Variants in BLK observed in about 807,000 individuals in gnomAD.
BLK encodes tyrosine-protein kinase Blk.
Under a neutral mutation model 61.8 loss-of-function variants are expected in BLK, and 64 were observed. The observed-to-expected ratio is 1.03, with a 90% CI of 0.85 to 1.27. BLK has a LOEUF of 1.27. Among genes scored for constraint, BLK ranks in the 50% most tolerant of loss-of-function variants. The pLI is 0.00. For synonymous variants in BLK, 351 were observed against 272.0 expected, an observed-to-expected ratio of 1.29 and a Z score of -2.86; for missense variants, 853 against 660.5, an observed-to-expected ratio of 1.29 and a Z score of -3.19.
intron 10 of BLK, among the ~76,000 whole-genome samples, chr8:11,559,588 C>A (rs1243982161): frequency 3.3e-5 from 5 of 152,160 alleles, no homozygotes; most frequent in African/African-American, 1.2e-4. Flanking sequence ...CTGGGCTCTT[C>A]TTTTCTTACT....
chr8:11,564,393 A>T lies in BLK; in HGVS notation c.*285A>T, dbSNP rs1801632700. On this transcript the variant is annotated 3_prime_UTR_variant, in exon 13 of 13. Transcript: ENST00000259089. ...ACTAAGCCCCAGTAAGGTGTTCAGGACTGGTAAGCGACTGTCATCAAGTAA... is the reference window on the plus strand; with the variant it reads ...ACTAAGCCCCAGTAAGGTGTTCAGGTCTGGTAAGCGACTGTCATCAAGTAA... The T allele has an allele frequency of 1.5e-6, 1 of 652,346 alleles. No individual in the cohort carries two copies. Among genetic ancestry groups the T allele is most frequent in the Non-Finnish European group, 2.8e-6 (1 of 352,614 alleles). 40.4% of individuals were successfully genotyped at this position (652,346 alleles called of 1,614,324 possible). A position where few individuals can be genotyped will look rare whatever the true frequency, so the allele number is the denominator to read the frequency against.
intron 1 of BLK, among the ~76,000 whole-genome samples, chr8:11,504,893 A>AT (rs1177379113): frequency 6.6e-6 from 1 of 152,224 alleles, no homozygotes; most frequent in Non-Finnish European, 1.5e-5. Flanking sequence ...CTCTGTGGCC[A>AT]TGTTTCAGGC....
chr8:11,555,146 C>T (rs953106142), intron 7 of BLK, among the ~76,000 whole-genome samples, 186 bp from the exon 8 acceptor site: 2 of 152,164 alleles, frequency 1.3e-5, no homozygotes, highest in Non-Finnish European at 2.9e-5. Context: ...TTAGAGATAG[C>T]ATGCCCTGCT....
intron 1 of BLK, among the ~76,000 whole-genome samples, chr8:11,529,652 A>G (rs1799809040): frequency 1.3e-5 from 2 of 152,074 alleles, no homozygotes; most frequent in Non-Finnish European, 2.9e-5. Flanking sequence ...TCTAGTTCCC[A>G]GGAAAGAAGG....
At chr8:11,544,022 G>A (rs1265661694) in intron 2 of BLK, among the ~76,000 whole-genome samples, 2 of 151,450 alleles carry the variant, frequency 1.3e-5, no homozygotes, top group African/African-American at 2.4e-5. Flanking sequence ...GAGTGCAGTG[G>A]TGGGACCTTG....
intron 2 of BLK, 21 bp downstream of exon 2, chr8:11,543,368 A>C: frequency 6.2e-7 from 1 of 1,611,650 alleles, no homozygotes; most frequent in Non-Finnish European, 8.5e-7. Context: ...GCCCACCCCC[A>C]CCAAGAGCAG....
intron 1 of BLK, among the ~76,000 whole-genome samples, chr8:11,511,123 A>G (rs1237594204): frequency 1.3e-5 from 2 of 152,218 alleles, no homozygotes; most frequent in Admixed American, 6.5e-5. Context: ...TTGAGGCTGA[A>G]GGAGCCAAAG....
rs142176226 is a variant in BLK, at chr8:11,525,856, T to C, written c.-1-17368T>C. The stretch of plus-strand genomic sequence containing the variant: ...GCCTCCCTGGTTCAAGCGATTCTCC[T>C]GCCTTAGCCTCCTGAGTAGCTGGAA... On this transcript the variant is annotated intron_variant, in intron 1 of 12. Transcript: ENST00000259089. Among the ~76,000 whole-genome samples, 1,493 of 152,288 alleles carry C rather than the reference T, an allele frequency of 9.8e-3. 12 individuals carry two copies. Among genetic ancestry groups the C allele is most frequent in the Middle Eastern group, 0.044 (13 of 294 alleles).
At chr8:11,520,402 A>G (rs1257718209) in intron 1 of BLK, among the ~76,000 whole-genome samples, 3 of 144,786 alleles carry the variant, frequency 2.1e-5, no homozygotes, top group Admixed American at 7.2e-5. Context: ...ACTTGTGCCC[A>G]GAAGATTGAG....
chr8:11,503,221 A>C (rs1041078722), intron 1 of BLK, among the ~76,000 whole-genome samples: 1 of 152,302 alleles, frequency 6.6e-6, no homozygotes, highest in East Asian at 1.9e-4. Context: ...CTAAAAGGAC[A>C]TTTGATGTTC....
At chr8:11,548,992 G>C in intron 4 of BLK, 32 bp from the exon 5 acceptor site, 4 of 1,573,110 alleles carry the variant, frequency 2.5e-6, no homozygotes, top group Non-Finnish European at 3.5e-6. Context: ...CAGGGGCCAT[G>C]ATCTCATCTC....
chr8:11,563,712 C>G (rs1801595096), intron 12 of BLK, among the ~76,000 whole-genome samples, 191 bp from the exon 13 acceptor site: 2 of 152,214 alleles, frequency 1.3e-5, no homozygotes, highest in Admixed American at 1.3e-4. Context: ...ATTCCCCAGG[C>G]AATAAAAAGT....
At chr8:11,505,174 C>T (rs1032772338) in intron 1 of BLK, among the ~76,000 whole-genome samples, 2 of 152,202 alleles carry the variant, frequency 1.3e-5, no homozygotes, top group Non-Finnish European at 2.9e-5. Flanking sequence ...ATGACAAATA[C>T]TATTGCAGCA....
At chr8:11,526,382 A>G (rs1358422719) in intron 1 of BLK, among the ~76,000 whole-genome samples, 2 of 152,164 alleles carry the variant, frequency 1.3e-5, no homozygotes, top group African/African-American at 4.8e-5. Flanking sequence ...TTCACATCCT[A>G]CTTTTTTGTT....
chr8:11,512,957 G>A (rs916542715), intron 1 of BLK, among the ~76,000 whole-genome samples: 1 of 152,186 alleles, frequency 6.6e-6, no homozygotes, highest in African/African-American at 2.4e-5. Flanking sequence ...GTGAGCCACC[G>A]CGGCTGGTCA....
intron 1 of BLK, among the ~76,000 whole-genome samples, chr8:11,533,088 T>C (rs753861646): frequency 1.2e-4 from 3 of 24,592 alleles, no homozygotes; most frequent in Non-Finnish European, 2.3e-4. Context: ...TGTGCCAGCA[T>C]CATTAGTATT....
At chr8:11,515,741 T>C (rs1799198735) in intron 1 of BLK, among the ~76,000 whole-genome samples, 2 of 152,222 alleles carry the variant, frequency 1.3e-5, no homozygotes, top group South Asian at 4.1e-4. Context: ...ATGTCATATG[T>C]GCTGCGCTGC....
chr8:11,552,111 G>A (rs533724022), intron 6 of BLK, among the ~76,000 whole-genome samples: 3 of 152,322 alleles, frequency 2.0e-5, no homozygotes, highest in East Asian at 1.9e-4. Flanking sequence ...TGGTTGGGGC[G>A]ATGAGAATGG....
intron 1 of BLK, among the ~76,000 whole-genome samples, chr8:11,535,339 A>G (rs1800091388): frequency 6.6e-6 from 1 of 152,078 alleles, no homozygotes; most frequent in Admixed American, 6.5e-5. Context: ...GGAAAAGGGA[A>G]GGGAAGGAAG....
Sources: allele counts gnomAD v4.1 joint callset (sites outside exome capture counted in the v4.1 genomes callset), GRCh38; gene constraint gnomAD v4.1.1; transcripts MANE v1.5; gene names NCBI Gene and HGNC (gene_info 2026-07-23, HGNC 2026-07-21).